CACNB2: variants seen among roughly 807,000 people sequenced by gnomAD.
CACNB2 encodes calcium voltage-gated channel auxiliary subunit beta 2.
Under a neutral mutation model 73.3 loss-of-function variants are expected in CACNB2, and 42 were observed. That is an observed-to-expected ratio of 0.57 (90% CI 0.45 to 0.74). CACNB2 has a LOEUF of 0.74. Ranked by LOEUF, CACNB2 falls within the 30% of genes least tolerant of loss-of-function variation. The probability of loss-of-function intolerance (pLI) is 0.00; values close to 1 mark genes in which losing one functional copy is unlikely to be tolerated. For synonymous variants in CACNB2, 348 were observed against 310.3 expected, an observed-to-expected ratio of 1.12 and a Z score of -1.28; for missense variants, 940 against 853.0, an observed-to-expected ratio of 1.10 and a Z score of -1.27.
chr10:18,519,615 C>G, intron 9 of CACNB2: 1 of 432,770 alleles, frequency 2.3e-6, no homozygotes, highest in South Asian at 1.7e-5. Flanking sequence ...ATGAGTATTT[C>G]CTGTTCTAAT....
intron 2 of CACNB2, among the ~76,000 whole-genome samples, chr10:18,365,756 C>G (rs1485561401): frequency 2.0e-5 from 3 of 152,148 alleles, no homozygotes. Flanking sequence ...AAGAGAGCCT[C>G]CATTATTCCT....
intron 2 of CACNB2, among the ~76,000 whole-genome samples, chr10:18,345,856 T>A (rs2041427968): frequency 6.6e-6 from 1 of 152,302 alleles, no homozygotes; most frequent in South Asian, 2.1e-4. Context: ...TTCAGATATC[T>A]CACTTATTTT....
intron 7 of CACNB2, among the ~76,000 whole-genome samples, chr10:18,516,514 A>G (rs1020300538): frequency 1.3e-5 from 2 of 152,242 alleles, no homozygotes; most frequent in African/African-American, 4.8e-5. Flanking sequence ...ATTTACATTC[A>G]TAATTTCAAC....
intron 2 of CACNB2, among the ~76,000 whole-genome samples, chr10:18,274,617 T>TC (rs1313202429): frequency 6.6e-6 from 1 of 152,220 alleles, no homozygotes; most frequent in African/African-American, 2.4e-5. Context: ...AATTTTTTTT[T>TC]CTCATATAGT....
At chr10:18,347,078 GTCT>G (rs1341997364) in intron 2 of CACNB2, among the ~76,000 whole-genome samples, 2 of 152,212 alleles carry the variant, frequency 1.3e-5, no homozygotes, top group Admixed American at 6.5e-5. Flanking sequence ...GTGCCGCCTA[GTCT>G]TCTTAATAGA....
chr10:18,400,754 G>A (rs2043952905), intron 2 of CACNB2: 1 of 1,326,268 alleles, frequency 7.5e-7, no homozygotes, highest in South Asian at 1.7e-5. Flanking sequence ...ACGAGTTGAT[G>A]CTCGGCTTTT....
intron 2 of CACNB2, among the ~76,000 whole-genome samples, chr10:18,219,336 T>C (rs2035636152): frequency 6.6e-6 from 1 of 152,202 alleles, no homozygotes; most frequent in Non-Finnish European, 1.5e-5. Context: ...TGATTTGAGC[T>C]GGTGATGAAA....
chr10:18,312,320 G>A (rs2039992799), intron 2 of CACNB2, among the ~76,000 whole-genome samples: 1 of 152,068 alleles, frequency 6.6e-6, no homozygotes, highest in Non-Finnish European at 1.5e-5. Flanking sequence ...CTAAAAATAT[G>A]TAAAATGTGA....
rs2033764671 is a variant in CACNB2, at chr10:18,179,383, C to T, written c.213+28408C>T. ...GGGACAGTGAGTCAGTTACCCTGCTCTTGTTCCTGTTTTTCTCCCTGCATC... is the reference window on the plus strand; with the variant it reads ...GGGACAGTGAGTCAGTTACCCTGCTTTTGTTCCTGTTTTTCTCCCTGCATC... On this transcript the variant is annotated intron_variant, in intron 2 of 13. Coordinates refer to ENST00000324631, the MANE Select transcript of CACNB2 (RefSeq NM_201596.3). 2.0e-5 allele frequency among the ~76,000 whole-genome samples: 3 copies of T among 152,198 alleles called. No homozygotes were observed. In the South Asian group the frequency reaches 6.2e-4, roughly 32 times the overall value.
At chr10:18,403,033 G>A (rs900608936) in intron 3 of CACNB2, among the ~76,000 whole-genome samples, 1 of 152,156 alleles carries the variant, frequency 6.6e-6, no homozygotes, top group Admixed American at 6.5e-5. Context: ...ATGACCTCTA[G>A]TGCGGCTGCC....
At chr10:18,288,801 T>G (rs1457380110) in intron 2 of CACNB2, among the ~76,000 whole-genome samples, 1 of 152,130 alleles carries the variant, frequency 6.6e-6, no homozygotes, top group South Asian at 2.1e-4. Context: ...TCCCAGCACT[T>G]TGGGGGGCCA....
rs912892671 is a variant in CACNB2, at chr10:18,541,141, GTTGT to G, written c.*1424_*1427del. 6.6e-6 allele frequency: 1 copy of G among 152,584 alleles called. No individual in the cohort carries two copies. Among genetic ancestry groups the G allele is most frequent in the Admixed American group, 6.5e-5 (1 of 15,280 alleles). 9.5% of individuals were successfully genotyped at this position (152,584 alleles called of 1,614,324 possible). A position where few individuals can be genotyped will look rare whatever the true frequency, so the allele number is the denominator to read the frequency against. On this transcript the variant is annotated 3_prime_UTR_variant, in exon 14 of 14. Transcript: ENST00000324631. The stretch of plus-strand genomic sequence containing the variant: ...ATTTCTAACCTTGCCTATTGTTCCT[GTTGT>G]TTGTTTACCTCCCAGTTACCTACCA...
intron 6 of CACNB2, among the ~76,000 whole-genome samples, chr10:18,506,873 CACTGCGCCTCT>C (rs2050517889): frequency 6.6e-6 from 1 of 152,200 alleles, no homozygotes; most frequent in African/African-American, 2.4e-5. Flanking sequence ...GATCGCAGCT[CACTGCGCCTCT>C]GCCTCCAGGG....
chr10:18,288,242 A>G (rs1021520908), intron 2 of CACNB2, among the ~76,000 whole-genome samples: 5 of 152,228 alleles, frequency 3.3e-5, no homozygotes, highest in Admixed American at 6.5e-5. Context: ...ACCCATAACA[A>G]CATCAGAACA....
chr10:18,368,681 C>T (rs923619775), intron 2 of CACNB2, among the ~76,000 whole-genome samples: 7 of 151,928 alleles, frequency 4.6e-5, no homozygotes, highest in African/African-American at 1.7e-4. Flanking sequence ...CTAGAATGTA[C>T]TTGAAGGAGT....
chr10:18,468,643 A>C (rs2048025502), intron 3 of CACNB2, among the ~76,000 whole-genome samples: 1 of 152,090 alleles, frequency 6.6e-6, no homozygotes, highest in Admixed American at 6.6e-5. Flanking sequence ...CCTGTTACCC[A>C]GGCTAGAGGG....
At chr10:18,358,826 A>G (rs917447422) in intron 2 of CACNB2, among the ~76,000 whole-genome samples, 24 of 152,196 alleles carry the variant, frequency 1.6e-4, no homozygotes, top group African/African-American at 5.1e-4. Flanking sequence ...TAACTTGGTT[A>G]TTTATAGATT....
chr10:18,506,301 T>C (rs1045922230), intron 5 of CACNB2, among the ~76,000 whole-genome samples, 170 bp from the exon 6 acceptor site: 3 of 152,250 alleles, frequency 2.0e-5, no homozygotes, highest in African/African-American at 7.2e-5. Context: ...ATCATGTGGC[T>C]ATTTCAAGTA....
chr10:18,495,597 GAGA>G (rs2049761657), intron 3 of CACNB2, among the ~76,000 whole-genome samples: 1 of 144,450 alleles, frequency 6.9e-6, no homozygotes, highest in African/African-American at 2.7e-5. Flanking sequence ...GTGTGTATAA[GAGA>G]TGAGGTCTCA....
Sources: gnomAD v4.1 joint callset for allele counts (sites outside exome capture counted in the v4.1 genomes callset) on GRCh38, gnomAD v4.1.1 for gene constraint, MANE v1.5 for transcripts, NCBI Gene and HGNC (gene_info 2026-07-23, HGNC 2026-07-21) for gene names.